The following NALCN variants were observed in gnomAD, a reference collection of about 807,000 sequenced individuals.
NALCN encodes the protein sodium leak channel NALCN.
A neutral mutation model predicts 225.3 loss-of-function variants in NALCN; 111 were observed. The ratio of observed to expected loss-of-function variants is 0.49; its 90% confidence interval spans 0.42 to 0.58. The LOEUF (loss-of-function observed/expected upper bound fraction) is 0.58. Ranked by LOEUF, NALCN falls within the 20% of genes least tolerant of loss-of-function variation. NALCN has a pLI of 0.00. For missense variants in NALCN, 1,378 were observed against 2,202.4 expected (o/e 0.63, Z 7.49); for synonymous variants, 764 against 769.0 (o/e 0.99, Z 0.11).
intron 40 of NALCN, among the ~76,000 whole-genome samples, chr13:101,062,491 G>GC (rs1320594745): frequency 2.0e-5 from 3 of 152,124 alleles, no homozygotes; most frequent in African/African-American, 7.2e-5. Context: ...TTCACACTTA[G>GC]CCCCCCGAGG....
intron 17 of NALCN, chr13:101,142,833 C>T: frequency 2.1e-6 from 1 of 467,844 alleles, no homozygotes; most frequent in South Asian, 2.1e-5. Context: ...ATTTGGGAGG[C>T]TCTTGATGTT....
At chr13:101,384,071 T>C (rs1176104066) in intron 3 of NALCN, among the ~76,000 whole-genome samples, 1 of 152,170 alleles carries the variant, frequency 6.6e-6, no homozygotes, top group Non-Finnish European at 1.5e-5. Flanking sequence ...CTAGCCATAG[T>C]AGTCAAAGTT....
chr13:101,078,322 CTGACAGCTTGCACTGTGTGCCTG>C (rs2033394778), intron 34 of NALCN, among the ~76,000 whole-genome samples: 2 of 152,188 alleles, frequency 1.3e-5, no homozygotes, highest in Non-Finnish European at 1.5e-5. Flanking sequence ...GGTAGATCCA[CTGACAGCTTGCACTGTGTGCCTG>C]GAAAAGCCAC....
chr13:101,178,388 C>G (rs1227027857), intron 14 of NALCN, among the ~76,000 whole-genome samples: 1 of 152,164 alleles, frequency 6.6e-6, no homozygotes, highest in African/African-American at 2.4e-5. Context: ...CTGTTCGCCT[C>G]CCTTTTCTTA....
chr13:101,408,847 C>T (rs952259141), intron 1 of NALCN, among the ~76,000 whole-genome samples: 1 of 152,088 alleles, frequency 6.6e-6, no homozygotes, highest in African/African-American at 2.4e-5. Context: ...AGGTGGTGAC[C>T]ACATAGGGGA....
At position 101,393,841 on chromosome 13, in the gene NALCN, G is replaced by A. The variant is rs553411899; in HGVS notation, c.291+1342C>T. Among the ~76,000 whole-genome samples the A allele has an allele frequency of 8.5e-5, 13 of 152,240 alleles. No individual in the cohort carries two copies. The South Asian group carries it at 2.5e-3, about 29-fold the overall frequency. On this transcript the variant is annotated intron_variant, in intron 3 of 43. Coordinates refer to ENST00000251127, the MANE Select transcript of NALCN (RefSeq NM_052867.4). ...AAACAAAAACAATCAAGTATACTATGTAAACCTTGTCTGAGTCTTGAGTTG... is the reference window on the plus strand; with the variant it reads ...AAACAAAAACAATCAAGTATACTATATAAACCTTGTCTGAGTCTTGAGTTG...
At chr13:101,118,535 T>C (rs942672393) in intron 18 of NALCN, among the ~76,000 whole-genome samples, 2 of 152,226 alleles carry the variant, frequency 1.3e-5, no homozygotes, top group Admixed American at 6.5e-5. Context: ...CCTTAGTTTA[T>C]GGTTGTCTGA....
intron 7 of NALCN, among the ~76,000 whole-genome samples, chr13:101,306,877 G>A (rs938189321): frequency 1.3e-5 from 2 of 152,166 alleles, no homozygotes; most frequent in African/African-American, 2.4e-5. Context: ...TTGTGTGGAG[G>A]AAGTTCAGGT....
chr13:101,100,632 G>T, intron 27 of NALCN, 152 bp downstream of exon 27: 1 of 510,658 alleles, frequency 2.0e-6, no homozygotes, highest in Non-Finnish European at 3.4e-6. Context: ...CCAGGTTGGA[G>T]TACAGTGGTG....
intron 15 of NALCN, among the ~76,000 whole-genome samples, chr13:101,154,088 G>A (rs560357372): frequency 2.0e-5 from 3 of 152,202 alleles, no homozygotes; most frequent in East Asian, 3.9e-4. Context: ...CAGTAAACAC[G>A]CGTGCTGGAT....
At chr13:101,238,752 T>C (rs1252404267) in intron 11 of NALCN, among the ~76,000 whole-genome samples, 3 of 152,078 alleles carry the variant, frequency 2.0e-5, no homozygotes, top group Non-Finnish European at 2.9e-5. Context: ...GAGAAGACAC[T>C]ACATGATTTA....
intron 11 of NALCN, among the ~76,000 whole-genome samples, 165 bp downstream of exon 11, chr13:101,258,278 G>A (rs966499057): frequency 3.3e-5 from 5 of 152,146 alleles, no homozygotes; most frequent in African/African-American, 1.2e-4. Context: ...AAATGAATCA[G>A]GCCACACTGT....
At position 101,345,421 on chromosome 13, in the gene NALCN, C is replaced by T. The variant is rs778666145; in HGVS notation, c.645-1G>A. ...AGCTAAACTATTCCAGGTTACATTC[C>T]TGTGAACAACACATGAAAGTGTTAG... On this transcript the variant is annotated splice_acceptor_variant, in intron 6 of 43. Transcript: ENST00000251127. LOFTEE classifies it high-confidence loss of function. 6.2e-7 allele frequency: 1 copy of T among 1,611,894 alleles called. No homozygotes were observed. The highest frequency in any genetic ancestry group is 8.5e-7 in the Non-Finnish European group (1 of 1,178,964).
intron 18 of NALCN, among the ~76,000 whole-genome samples, chr13:101,118,211 C>A (rs2035805479): frequency 6.6e-6 from 1 of 151,990 alleles, no homozygotes; most frequent in African/African-American, 2.4e-5. Context: ...TGTACCTTTG[C>A]TCCATTTTGC....
chr13:101,407,628 T>C (rs2139542471), intron 1 of NALCN, among the ~76,000 whole-genome samples: 1 of 152,348 alleles, frequency 6.6e-6, no homozygotes, highest in South Asian at 2.1e-4. Flanking sequence ...AAGTAGTTTT[T>C]AGTATTATTC....
At chr13:101,195,906 T>G (rs1426750526) in intron 13 of NALCN, among the ~76,000 whole-genome samples, 1 of 152,210 alleles carries the variant, frequency 6.6e-6, no homozygotes, top group Admixed American at 6.5e-5. Context: ...ATCCTCAAGT[T>G]TGACAATATT....
chr13:101,322,866 C>T (rs2044800109), intron 7 of NALCN, among the ~76,000 whole-genome samples: 1 of 152,004 alleles, frequency 6.6e-6, no homozygotes, highest in South Asian at 2.1e-4. Context: ...GTGCCCACCA[C>T]CATGCCTGGC....
At chr13:101,372,558 A>G (rs2046570020) in intron 6 of NALCN, among the ~76,000 whole-genome samples, 1 of 152,136 alleles carries the variant, frequency 6.6e-6, no homozygotes, top group Non-Finnish European at 1.5e-5. Flanking sequence ...AGAAAATCTC[A>G]TCCTTCTAAA....
chr13:101,358,725 A>G (rs959760733), intron 6 of NALCN, among the ~76,000 whole-genome samples: 1 of 152,218 alleles, frequency 6.6e-6, no homozygotes, highest in African/African-American at 2.4e-5. Flanking sequence ...ACATCATTCT[A>G]CTATAAAGAT....
Sources: gnomAD v4.1 joint callset for allele counts (sites outside exome capture counted in the v4.1 genomes callset) on GRCh38, gnomAD v4.1.1 for gene constraint, MANE v1.5 for transcripts, NCBI Gene and HGNC (gene_info 2026-07-23, HGNC 2026-07-21) for gene names.